The following COMMD10 variants were observed in gnomAD, a reference collection of about 807,000 sequenced individuals.
The protein encoded by COMMD10 is COMM domain-containing protein 10.
In COMMD10, 33 loss-of-function variants were observed where a neutral mutation model predicts 28.9. The ratio of observed to expected loss-of-function variants is 1.14; its 90% CI spans 0.87 to 1.53. The LOEUF (loss-of-function observed/expected upper bound fraction) is 1.53. COMMD10 is among the 40% of genes most tolerant of loss of function. The pLI, the probability that COMMD10 is intolerant of heterozygous loss-of-function variation, is 0.00. For synonymous variants in COMMD10, 110 were observed against 81.7 expected (o/e 1.35, Z -1.87); for missense variants, 310 against 233.4 (o/e 1.33, Z -2.14).
intron 5 of COMMD10, among the ~76,000 whole-genome samples, chr5:116,205,275 A>G (rs948508542): frequency 1.3e-5 from 2 of 152,258 alleles, no homozygotes; most frequent in Non-Finnish European, 2.9e-5. Context: ...TTTTCTGACC[A>G]TTATACGATT....
At position 116,158,152 on chromosome 5, in the gene COMMD10, C is replaced by T. The variant is rs62385215; in HGVS notation, c.510+23974C>T. 2.8e-3 allele frequency among the ~76,000 whole-genome samples: 237 copies of T among 85,658 alleles called. 17 individuals are homozygous for T. Among genetic ancestry groups the T allele is most frequent in the Non-Finnish European group, 3.8e-3 (160 of 42,334 alleles). 56.2% of individuals were successfully genotyped at this position (85,658 alleles called of 152,430 possible). A position where few individuals can be genotyped will look rare whatever the true frequency, so the allele number is the denominator to read the frequency against. ...TCCCTCCCTTCCCCTCCCTCCCTTCCCCTCCCTCCCTCCTCTCCCTCCGTC... is the reference window on the plus strand; with the variant it reads ...TCCCTCCCTTCCCCTCCCTCCCTTCTCCTCCCTCCCTCCTCTCCCTCCGTC... On this transcript the variant is annotated intron_variant, in intron 5 of 6. Transcript: ENST00000274458.
chr5:116,243,706 T>A (rs1250874449), intron 5 of COMMD10, among the ~76,000 whole-genome samples: 1 of 152,170 alleles, frequency 6.6e-6, no homozygotes, highest in East Asian at 1.9e-4. Context: ...TTTGCCAAAG[T>A]GACAGCACTA....
At chr5:116,170,134 GCAAAGTCTCAGGATA>G (rs1362332151) in intron 5 of COMMD10, among the ~76,000 whole-genome samples, 3 of 152,154 alleles carry the variant, frequency 2.0e-5, no homozygotes, top group Non-Finnish European at 2.9e-5. Context: ...AGCAACTTCA[GCAAAGTCTCAGGATA>G]CAAAATCAGT....
At chr5:116,203,565 AAG>A in intron 5 of COMMD10, among the ~76,000 whole-genome samples, 1 of 152,298 alleles carries the variant, frequency 6.6e-6, no homozygotes, top group South Asian at 2.1e-4. Context: ...TACAAGCCAG[AAG>A]AGAGTGGGGG....
At chr5:116,143,529 C>T in intron 5 of COMMD10, among the ~76,000 whole-genome samples, 1 of 151,720 alleles carries the variant, frequency 6.6e-6, no homozygotes, top group East Asian at 1.9e-4. Context: ...CTTGTCTTTT[C>T]TAGCTTCTGA....
At chr5:116,153,860 T>C (rs1056908617) in intron 5 of COMMD10, among the ~76,000 whole-genome samples, 1 of 152,126 alleles carries the variant, frequency 6.6e-6, no homozygotes, top group Non-Finnish European at 1.5e-5. Flanking sequence ...AGTGAGAGAA[T>C]GACCTTGATA....
intron 5 of COMMD10, among the ~76,000 whole-genome samples, chr5:116,274,320 A>T (rs976467610): frequency 6.6e-6 from 1 of 151,886 alleles, no homozygotes; most frequent in African/African-American, 2.4e-5. Flanking sequence ...TTTCTTCTGT[A>T]AAACACCAAA....
At chr5:116,241,998 T>G (rs1749828224) in intron 5 of COMMD10, among the ~76,000 whole-genome samples, 1 of 152,188 alleles carries the variant, frequency 6.6e-6, no homozygotes, top group Non-Finnish European at 1.5e-5. Flanking sequence ...TAATAGTTTC[T>G]GTCTTACATT....
At chr5:116,267,995 C>A (rs9763406) in intron 5 of COMMD10, among the ~76,000 whole-genome samples, 39,503 of 151,296 alleles carry the variant, frequency 0.26, 6,981 homozygotes, top group African/African-American at 0.5. Flanking sequence ...CCATAAAAAC[C>A]CTAGAAGAAA....
chr5:116,174,345 G>T (rs371332023), intron 5 of COMMD10, among the ~76,000 whole-genome samples: 48 of 152,184 alleles, frequency 3.2e-4, no homozygotes, highest in East Asian at 2.3e-3. Context: ...GTAATAATGG[G>T]TATGGGAGGA....
intron 5 of COMMD10, among the ~76,000 whole-genome samples, chr5:116,229,974 A>T: frequency 6.6e-6 from 1 of 152,048 alleles, no homozygotes; most frequent in East Asian, 1.9e-4. Context: ...CCCCAAAAAA[A>T]AATCAAGACT....
chr5:116,164,668 T>C (rs1561642031), intron 5 of COMMD10, among the ~76,000 whole-genome samples: 2 of 152,228 alleles, frequency 1.3e-5, no homozygotes, highest in Non-Finnish European at 2.9e-5. Flanking sequence ...TTCAAGGAAA[T>C]TCTGGATTAC....
At chr5:116,285,991 T>C (rs540922645) in intron 5 of COMMD10, among the ~76,000 whole-genome samples, 2 of 152,016 alleles carry the variant, frequency 1.3e-5, no homozygotes, top group East Asian at 3.9e-4. Context: ...CATCTGGTCC[T>C]GGGCATTTCT....
chr5:116,097,775 A>C (rs76553267), intron 4 of COMMD10, among the ~76,000 whole-genome samples: 2,030 of 152,110 alleles, frequency 0.013, 46 homozygotes, highest in African/African-American at 0.045. Context: ...GTGAATGGGG[A>C]GCAGGTGTCT....
At chr5:116,232,176 CA>C (rs1293048376) in intron 5 of COMMD10, among the ~76,000 whole-genome samples, 3 of 152,078 alleles carry the variant, frequency 2.0e-5, no homozygotes, top group Non-Finnish European at 4.4e-5. Context: ...GTCCAAGTTA[CA>C]TTTGGGTTTA....
In COMMD10 at chr5:116,131,385, A is replaced by ATG. The variant is rs920229109; in HGVS notation, c.400-2669_400-2668dup. ...TGTATGTGTGACAGGTGGGAGGGGT[A>ATG]TGTGTGTGTGTGTGTATGTGTGTAT... On this transcript the variant is annotated intron_variant, in intron 4 of 6. Coordinates refer to ENST00000274458, the MANE Select transcript of COMMD10 (RefSeq NM_016144.4). Among the ~76,000 whole-genome samples the ATG allele has an allele frequency of 1.5e-4, 23 of 149,874 alleles. 1 individual carries two copies. Among genetic ancestry groups the ATG allele is most frequent in the Middle Eastern group, 3.4e-3 (1 of 294 alleles).
chr5:116,137,674 C>T (rs1405760818), intron 5 of COMMD10, among the ~76,000 whole-genome samples: 3 of 151,912 alleles, frequency 2.0e-5, no homozygotes, highest in East Asian at 1.9e-4. Flanking sequence ...TTCTTTTTCA[C>T]TTCTAACATA....
chr5:116,217,317 T>G (rs777099318), intron 5 of COMMD10, among the ~76,000 whole-genome samples: 6 of 152,122 alleles, frequency 3.9e-5, no homozygotes, highest in Admixed American at 6.5e-5. Context: ...ACTTTCAAAC[T>G]TAACTACCTT....
At chr5:116,200,794 C>CT (rs926870994) in intron 5 of COMMD10, among the ~76,000 whole-genome samples, 4 of 152,024 alleles carry the variant, frequency 2.6e-5, no homozygotes, top group African/African-American at 9.7e-5. Flanking sequence ...TACTTCCCAT[C>CT]TGTTATTGCT....
Sources: allele counts gnomAD v4.1 joint callset (sites outside exome capture counted in the v4.1 genomes callset), GRCh38; gene constraint gnomAD v4.1.1; transcripts MANE v1.5; gene names NCBI Gene and HGNC (gene_info 2026-07-23, HGNC 2026-07-21).